Variants in PRKAA2 observed in about 807,000 individuals in gnomAD.
PRKAA2 encodes protein kinase AMP-activated catalytic subunit alpha 2.
In PRKAA2, 40 loss-of-function variants were observed where a neutral mutation model predicts 56.3. The observed-to-expected ratio is 0.71, with a 90% CI of 0.55 to 0.92. PRKAA2 has a LOEUF of 0.92. Ranked by LOEUF, PRKAA2 falls within the 40% of genes least tolerant of loss-of-function variation. The probability of loss-of-function intolerance (pLI) is 0.00; values close to 1 mark genes in which losing one functional copy is unlikely to be tolerated. For synonymous variants in PRKAA2, 214 were observed against 234.2 expected (o/e 0.91, Z 0.79); for missense variants, 542 against 686.9 (o/e 0.79, Z 2.36).
In PRKAA2 at chr1:56,704,240, A is replaced by G. The variant is rs1312849166; in HGVS notation, c.1058A>G (p.Asp353Gly). The G allele has an allele frequency of 6.2e-7, 1 of 1,614,094 alleles. No homozygotes were observed. The highest frequency in any genetic ancestry group is 8.5e-7 in the Non-Finnish European group (1 of 1,180,008). ...AGTCCTCCATCTGGTTCTTTTATGG[A>G]TGATAGTGCCATGCATATTCCCCCA... ...ASSPPSGSFMDDSAMHIPPGL... is the reference protein window; with the variant it reads ...ASSPPSGSFMGDSAMHIPPGL... Residue 353 changes from aspartate to glycine, a missense_variant, in exon 7 of 9, where the codon GAT becomes GGT. Physicochemically the swap from Asp to Gly is moderately conservative, Grantham distance 94. Around this residue, in one of 5 missense-constraint regions of PRKAA2, gnomAD observed 198 missense variants for 234.0 expected, o/e 0.85. Coordinates refer to ENST00000371244, the MANE Select transcript of PRKAA2 (RefSeq NM_006252.4).
intron 1 of PRKAA2, among the ~76,000 whole-genome samples, chr1:56,661,500 A>C (rs995628639): frequency 6.6e-6 from 1 of 152,136 alleles, no homozygotes; most frequent in African/African-American, 2.4e-5. Context: ...ATGTCATTGC[A>C]TGTAGTTGTA....
chr1:56,678,973 C>T (rs1018572376), intron 2 of PRKAA2, among the ~76,000 whole-genome samples: 1 of 152,130 alleles, frequency 6.6e-6, no homozygotes, highest in African/African-American at 2.4e-5. Flanking sequence ...GGATTACGGG[C>T]GTGAGCCACC....
rs746762993 is a variant in PRKAA2 at position 56,696,153 on chromosome 1, A to T, written c.782A>T (p.Asp261Val). 1 of 1,607,958 alleles carries T rather than the reference A, an allele frequency of 6.2e-7. No individual in the cohort carries two copies. Residue 261 changes from aspartate to valine, a missense_variant, in exon 6 of 9, where the codon GAC becomes GTC. Asp to Val is a radical substitution (Grantham distance 152). Around this residue, in one of 5 missense-constraint regions of PRKAA2, gnomAD observed 198 missense variants for 234.0 expected, o/e 0.85. Coordinates refer to ENST00000371244, the MANE Select transcript of PRKAA2 (RefSeq NM_006252.4). ...VDPLKRATIK[D>V]IREHEWFKQD... ...CCACTGAAACGAGCAACTATCAAAG[A>T]CATAAGGTGATTTTTCTTTTTGTTT...
chr1:56,655,280 A>ATATATATATATATATTTTTTTTTTTT, intron 1 of PRKAA2, among the ~76,000 whole-genome samples: 3 of 93,652 alleles, frequency 3.2e-5, no homozygotes, highest in African/African-American at 1.4e-4. Flanking sequence ...ATATATATAT[A>ATATATATATATATATTTTTTTTTTTT]TTTTTTTTTT....
At chr1:56,663,793 G>A (rs1644013070) in intron 1 of PRKAA2, among the ~76,000 whole-genome samples, 2 of 151,998 alleles carry the variant, frequency 1.3e-5, no homozygotes, top group African/African-American at 4.8e-5. Flanking sequence ...GCTGCTATGG[G>A]CTTCATCTTC....
chr1:56,708,831 G>A lies in PRKAA2; in HGVS notation c.*1118G>A, dbSNP rs965804655. On this transcript the variant is annotated 3_prime_UTR_variant, in exon 9 of 9. Coordinates refer to ENST00000371244, the MANE Select transcript of PRKAA2 (RefSeq NM_006252.4). Reference sequence around the variant, plus strand: ...AGGGCTGGCTATGACCTTTACTGTTGAACCTGATAGGGCAGGGAAGCTTTG... The same window carrying A: ...AGGGCTGGCTATGACCTTTACTGTTAAACCTGATAGGGCAGGGAAGCTTTG... 3 of 152,026 alleles carry A rather than the reference G, an allele frequency of 2.0e-5. No individual in the cohort carries two copies. The highest frequency in any genetic ancestry group is 2.0e-4 in the Admixed American group (3 of 15,262). 9.4% of individuals were successfully genotyped at this position (152,026 alleles called of 1,614,324 possible).
intron 2 of PRKAA2, among the ~76,000 whole-genome samples, chr1:56,690,427 C>T (rs1242683424): frequency 6.6e-6 from 1 of 152,160 alleles, no homozygotes; most frequent in Non-Finnish European, 1.5e-5. Context: ...CCTCGGCCTC[C>T]CAAAGTGCTG....
intron 2 of PRKAA2, among the ~76,000 whole-genome samples, chr1:56,679,935 C>T (rs1644141615): frequency 6.6e-6 from 1 of 152,106 alleles, no homozygotes; most frequent in African/African-American, 2.4e-5. Flanking sequence ...TATATTTTCT[C>T]TTCCTTATGA....
intron 1 of PRKAA2, among the ~76,000 whole-genome samples, chr1:56,662,392 A>G (rs1171739517): frequency 1.3e-5 from 2 of 152,164 alleles, no homozygotes; most frequent in African/African-American, 2.4e-5. Flanking sequence ...AATAAAAAAT[A>G]TAAACATTTT....
chr1:56,702,958 A>G (rs1644306911), intron 6 of PRKAA2, among the ~76,000 whole-genome samples: 1 of 152,240 alleles, frequency 6.6e-6, no homozygotes, highest in African/African-American at 2.4e-5. Context: ...CTCAGTAAAT[A>G]TTCAAAAATA....
chr1:56,681,569 A>G (rs2100413073), intron 2 of PRKAA2, among the ~76,000 whole-genome samples: 1 of 152,268 alleles, frequency 6.6e-6, no homozygotes, highest in East Asian at 1.9e-4. Context: ...TCAGCTTTCT[A>G]CATATGGCTA....
rs1644354903 is a variant in PRKAA2, at chr1:56,709,389, C to T, written c.*1676C>T. ...ACTTATAAGTCCAACTTCTTAATAT[C>T]AAGATAAATGAATAGTTCACCAATT... On this transcript the variant is annotated 3_prime_UTR_variant, in exon 9 of 9. Transcript: ENST00000371244. The T allele has an allele frequency of 6.6e-6, 1 of 152,094 alleles. No homozygotes were observed. The allele number at this position is 152,094 out of a possible 1,614,324, so 9.4% of individuals were successfully genotyped here. A position where few individuals can be genotyped will look rare whatever the true frequency, so the allele number is the denominator to read the frequency against.
At chr1:56,687,864 A>G (rs540154736) in intron 2 of PRKAA2, among the ~76,000 whole-genome samples, 11 of 152,222 alleles carry the variant, frequency 7.2e-5, no homozygotes, top group South Asian at 6.2e-4. Context: ...TTATGTGGCT[A>G]TTTCCTAAAA....
At chr1:56,661,310 A>G (rs746551102) in intron 1 of PRKAA2, among the ~76,000 whole-genome samples, 1 of 152,198 alleles carries the variant, frequency 6.6e-6, no homozygotes, top group African/African-American at 2.4e-5. Flanking sequence ...TGATAAAGAC[A>G]TGGAAAATGA....
intron 2 of PRKAA2, among the ~76,000 whole-genome samples, chr1:56,686,672 T>C (rs1008409945): frequency 1.3e-5 from 2 of 152,034 alleles, no homozygotes; most frequent in African/African-American, 4.8e-5. Flanking sequence ...TCTTATGAAC[T>C]GAGCAAGAAT....
At chr1:56,651,747 T>G (rs1643901120) in intron 1 of PRKAA2, among the ~76,000 whole-genome samples, 1 of 152,200 alleles carries the variant, frequency 6.6e-6, no homozygotes, top group African/African-American at 2.4e-5. Context: ...GCCTCAATCT[T>G]TCATTTCTTA....
chr1:56,658,750 C>CT (rs1557544154), intron 1 of PRKAA2, among the ~76,000 whole-genome samples: 1 of 148,214 alleles, frequency 6.7e-6, no homozygotes, highest in Admixed American at 6.7e-5. Context: ...TTTTTTTTTT[C>CT]TTTTTTGGAG....
At chr1:56,688,178 C>T (rs902982551) in intron 2 of PRKAA2, among the ~76,000 whole-genome samples, 14 of 152,144 alleles carry the variant, frequency 9.2e-5, no homozygotes, top group African/African-American at 3.4e-4. Flanking sequence ...TTTAAGACGT[C>T]TTCCTTCTGA....
At position 56,667,014 on chromosome 1, in the gene PRKAA2, G is replaced by A. The variant is rs186406774; in HGVS notation, c.95-7367G>A. On this transcript the variant is annotated intron_variant, in intron 1 of 8. Transcript: ENST00000371244. ...AATCTTCCCCTTGGTTTTCATTTCA[G>A]TCAGCTTGCCTTACCTGTAATTACA... Among the ~76,000 whole-genome samples, 8 of 152,174 alleles carry A rather than the reference G, an allele frequency of 5.3e-5. No individual in the cohort carries two copies. In the East Asian group the frequency reaches 1.5e-3, roughly 29 times the overall value.
Sources: gnomAD v4.1 joint callset for allele counts (sites outside exome capture counted in the v4.1 genomes callset) on GRCh38, gnomAD v4.1.1 for gene constraint, gnomAD v4.1.1 regional missense constraint, MANE v1.5 for transcripts, NCBI Gene and HGNC (gene_info 2026-07-23, HGNC 2026-07-21) for gene names.